Variants in PLEKHA6 observed in about 807,000 individuals in gnomAD.
PLEKHA6 encodes pleckstrin homology domain containing A6, also known as pleckstrin homology domain-containing family A member 6.
PLEKHA6 carries 60 observed loss-of-function variants against 116.7 expected under a neutral mutation model. That is an observed-to-expected ratio of 0.51 (90% CI 0.42 to 0.64). The LOEUF (loss-of-function observed/expected upper bound fraction) is 0.64, where lower values mean the gene tolerates loss of function less well. Among genes scored for constraint, PLEKHA6 ranks in the 30% least tolerant of loss-of-function variants. The pLI, the probability that PLEKHA6 is intolerant of heterozygous loss-of-function variation, is 0.00. For missense variants in PLEKHA6, 1,338 were observed against 1,422.7 expected (o/e 0.94, Z 0.96); for synonymous variants, 489 against 556.1 (o/e 0.88, Z 1.70).
intron 2 of PLEKHA6, among the ~76,000 whole-genome samples, chr1:204,370,415 C>T (rs76294535): frequency 0.02 from 3,122 of 152,298 alleles, 112 homozygotes; most frequent in African/African-American, 0.072. Context: ...GGCTGGAAGG[C>T]GGGAAGGGGA....
intron 15 of PLEKHA6, among the ~76,000 whole-genome samples, chr1:204,244,003 A>T (rs1663242579): frequency 7.0e-6 from 1 of 142,632 alleles, no homozygotes; most frequent in South Asian, 2.2e-4. Flanking sequence ...TGTATTTTTT[A>T]GTAGAGACAG....
At chr1:204,241,352 C>T in intron 17 of PLEKHA6, 23 bp downstream of exon 17, 1 of 1,474,726 alleles carries the variant, frequency 6.8e-7, no homozygotes, top group Non-Finnish European at 9.5e-7. Flanking sequence ...CTCAGGCCTG[C>T]ATGAGCTTGC....
intron 1 of PLEKHA6, among the ~76,000 whole-genome samples, chr1:204,355,385 G>A (rs750188644): frequency 3.2e-4 from 49 of 152,166 alleles, no homozygotes; most frequent in Admixed American, 7.9e-4. Flanking sequence ...CATATCACTG[G>A]TAAATGGTAG....
intron 1 of PLEKHA6, among the ~76,000 whole-genome samples, chr1:204,309,377 G>C (rs572288730): frequency 6.6e-6 from 1 of 152,196 alleles, no homozygotes; most frequent in Admixed American, 6.5e-5. Context: ...GCATAAGGTC[G>C]TTCTGGTCAA....
chr1:204,337,780 G>A (rs1190476191), intron 1 of PLEKHA6, among the ~76,000 whole-genome samples: 5 of 152,128 alleles, frequency 3.3e-5, no homozygotes, highest in African/African-American at 1.2e-4. Context: ...GCAATTGGGA[G>A]GCACGTACCA....
At chr1:204,296,900 T>A (rs4288653) in intron 1 of PLEKHA6, among the ~76,000 whole-genome samples, 31,213 of 152,088 alleles carry the variant, frequency 0.21, 3,637 homozygotes, top group South Asian at 0.29. Context: ...AATGAGAGGT[T>A]TGAGGCATCG....
chr1:204,355,293 G>A (rs1201658149), intron 1 of PLEKHA6, among the ~76,000 whole-genome samples: 1 of 152,232 alleles, frequency 6.6e-6, no homozygotes, highest in African/African-American at 2.4e-5. Context: ...ATCTTCACAA[G>A]AAGCTTATGA....
At chr1:204,241,008 T>C (rs1325515473) in intron 17 of PLEKHA6, among the ~76,000 whole-genome samples, 1 of 152,184 alleles carries the variant, frequency 6.6e-6, no homozygotes, top group African/African-American at 2.4e-5. Context: ...GGACTCCAAG[T>C]TCTTCAGTTT....
At chr1:204,243,710 C>T (rs143616557) in intron 15 of PLEKHA6, among the ~76,000 whole-genome samples, 1 of 152,358 alleles carries the variant, frequency 6.6e-6, no homozygotes, top group African/African-American at 2.4e-5. Flanking sequence ...AATGTTGAGA[C>T]ATATGCCGTC....
At chr1:204,373,772 A>G (rs1673819439) in intron 1 of PLEKHA6, among the ~76,000 whole-genome samples, 1 of 152,114 alleles carries the variant, frequency 6.6e-6, no homozygotes, top group Non-Finnish European at 1.5e-5. Context: ...GACACCTGCT[A>G]CAGGAAGAGA....
At chr1:204,372,447 G>T (rs1673793772) in intron 1 of PLEKHA6, among the ~76,000 whole-genome samples, 1 of 152,132 alleles carries the variant, frequency 6.6e-6, no homozygotes, top group Admixed American at 6.6e-5. Context: ...GACTGTCTTG[G>T]CTACTTCAGG....
intron 3 of PLEKHA6, among the ~76,000 whole-genome samples, chr1:204,270,886 C>A (rs946702375): frequency 1.3e-5 from 2 of 152,196 alleles, no homozygotes; most frequent in Non-Finnish European, 2.9e-5. Flanking sequence ...GTGCCTTTCG[C>A]AGTGTGCTCC....
Position 204,238,905 on chromosome 1 carries a change from T to C in PLEKHA6, c.2409+2470A>G, listed in dbSNP as rs574384987. Among the ~76,000 whole-genome samples, 28 of 152,322 alleles carry C rather than the reference T, an allele frequency of 1.8e-4. No homozygotes were observed. Among genetic ancestry groups the C allele is most frequent in the African/African-American group, 6.5e-4 (27 of 41,580 alleles). On this transcript the variant is annotated intron_variant, in intron 17 of 22. Coordinates refer to ENST00000272203, the MANE Select transcript of PLEKHA6 (RefSeq NM_014935.5). This position sits in a 1 kb window ranked among gnomAD's most constrained non-coding sequence, Gnocchi z 4.2. ...AGTGCACCTGGCTGTGCACTTTGCATGGAAGGAGAAATGGCCAGATGTGCG... is the reference window on the plus strand; with the variant it reads ...AGTGCACCTGGCTGTGCACTTTGCACGGAAGGAGAAATGGCCAGATGTGCG...
intron 1 of PLEKHA6, among the ~76,000 whole-genome samples, chr1:204,289,676 C>CATCCTTTACAGTCACAGCT (rs1273948931): frequency 6.6e-6 from 1 of 152,198 alleles, no homozygotes; most frequent in Non-Finnish European, 1.5e-5. Context: ...CCTTCCTTCC[C>CATCCTTTACAGTCACAGCT]ATCCTTTACA....
intron 3 of PLEKHA6, 77 bp from the exon 4 acceptor site, chr1:204,268,389 C>T: frequency 1.0e-6 from 1 of 975,434 alleles, no homozygotes. Flanking sequence ...GCCACCCCTG[C>T]TAGAGCTGCT....
At chr1:204,329,484 T>C (rs1401927965) in intron 1 of PLEKHA6, among the ~76,000 whole-genome samples, 1 of 152,108 alleles carries the variant, frequency 6.6e-6, no homozygotes, top group Non-Finnish European at 1.5e-5. Context: ...AATAGGCAAT[T>C]AGCCTGTAAT....
At chr1:204,295,254 C>A (rs1216884150) in intron 1 of PLEKHA6, among the ~76,000 whole-genome samples, 1 of 152,106 alleles carries the variant, frequency 6.6e-6, no homozygotes, top group African/African-American at 2.4e-5. Flanking sequence ...CTTTGGGAGG[C>A]CAAGGTGGGT....
chr1:204,292,532 C>T (rs1445254078), intron 1 of PLEKHA6, among the ~76,000 whole-genome samples: 1 of 152,072 alleles, frequency 6.6e-6, no homozygotes, highest in Non-Finnish European at 1.5e-5. Flanking sequence ...CTGGCTGACG[C>T]CCACCTATGT....
chr1:204,257,861 C>T lies in PLEKHA6; in HGVS notation c.1016G>A (p.Arg339Lys). The change falls in exon 9 of 23, where the codon AGG becomes AAG. Residue 339 changes from arginine to lysine, a missense_variant. Arg to Lys is a conservative substitution (Grantham distance 26, BLOSUM62 2). This residue lies in a region of PLEKHA6 where 1,136 missense variants were observed against 1,163.6 expected (regional missense o/e 0.98). Coordinates refer to ENST00000272203, the MANE Select transcript of PLEKHA6 (RefSeq NM_014935.5). The surrounding 1 kb of genome is among the most constrained non-coding windows in gnomAD (Gnocchi z 6.5). ...GACCCTGCGAGACACAGGATAGAAC[C>T]TAGAGGGACTGAGAGAGAGGGGACA... ...PPPEDLRSPS[R>K]FYPVSRRVPE... 1 of 1,603,352 alleles carries T rather than the reference C, an allele frequency of 6.2e-7. No individual in the cohort carries two copies. Among genetic ancestry groups the T allele is most frequent in the Admixed American group, 1.7e-5 (1 of 59,646 alleles).
Sources: allele counts gnomAD v4.1 joint callset (sites outside exome capture counted in the v4.1 genomes callset), GRCh38; gene constraint gnomAD v4.1.1; regional missense constraint gnomAD v4.1.1; non-coding constraint Gnocchi (gnomAD v3.1); transcripts MANE v1.5; gene names NCBI Gene and HGNC (gene_info 2026-07-23, HGNC 2026-07-21).